The following NCOR2 variants were observed in gnomAD, a reference collection of about 807,000 sequenced individuals.
NCOR2 encodes nuclear receptor corepressor 2.
NCOR2 carries 81 observed loss-of-function variants against 262.9 expected under a neutral mutation model. The observed-to-expected ratio is 0.31, with a 90% CI of 0.26 to 0.37. The LOEUF (loss-of-function observed/expected upper bound fraction) is 0.37, where lower values mean the gene tolerates loss of function less well. Among genes scored for constraint, NCOR2 ranks in the 10% least tolerant of loss-of-function variants. The pLI, the probability that NCOR2 is intolerant of heterozygous loss-of-function variation, is 1.00. For synonymous variants in NCOR2, 1,659 were observed against 1,559.3 expected, an observed-to-expected ratio of 1.06 and a Z score of -1.51; for missense variants, 3,385 against 3,621.4, an observed-to-expected ratio of 0.93 and a Z score of 1.68.
rs577293101 is a variant in NCOR2, at chr12:124,457,546, G to A, written c.706-384C>T. On this transcript the variant is annotated intron_variant, in intron 5 of 46. Coordinates refer to ENST00000405201, the Ensembl canonical transcript of NCOR2. This position sits in a 1 kb window ranked among gnomAD's most constrained non-coding sequence, Gnocchi z 4.0. ...CTTCCCTCACCCTGGAAGCTGGTTG[G>A]GTTGTCTACAATTACCTCAGAGCTA... is the stretch of plus-strand genomic sequence containing the variant. 7.9e-4 allele frequency among the ~76,000 whole-genome samples: 121 copies of A among 152,340 alleles called. No individual in the cohort carries two copies. Among genetic ancestry groups the A allele is most frequent in the Admixed American group, 1.4e-3 (22 of 15,312 alleles).
At chr12:124,414,855 G>A (rs956597891) in intron 13 of NCOR2, among the ~76,000 whole-genome samples, 1 of 152,362 alleles carries the variant, frequency 6.6e-6, no homozygotes, top group Admixed American at 6.5e-5. Context: ...ACCTATGAGG[G>A]AGAGAGAAGC....
chr12:124,338,975 ACCACCCACCCAT>A (rs2036149899), intron 37 of NCOR2, among the ~76,000 whole-genome samples: 1 of 118,088 alleles, frequency 8.5e-6, no homozygotes, highest in South Asian at 2.7e-4. Flanking sequence ...CCCTAACCCT[ACCACCCACCCAT>A]CCACCCACCC....
At chr12:124,344,979 C>A in intron 31 of NCOR2, 28 bp from the exon 34 acceptor site, 1 of 1,498,964 alleles carries the variant, frequency 6.7e-7, no homozygotes. Context: ...TAAGCTCTAG[C>A]CCTGGCCACA....
At position 124,428,086 on chromosome 12, in the gene NCOR2, T is replaced by TGTGTGTGTGTGTGTGTGTGCGCGC. The variant is rs958627720; in HGVS notation, c.1150-1287_1150-1286insGCGCGCACACACACACACACACAC. ...GTGTGTGTGTGTGTGTGTGTGTGTG[T>TGTGTGTGTGTGTGTGTGTGCGCGC]GTACATGCAACAATCAGCCCAGGTG... On this transcript the variant is annotated intron_variant, in intron 10 of 46. Transcript: ENST00000405201. 1.3e-4 allele frequency among the ~76,000 whole-genome samples: 19 copies of TGTGTGTGTGTGTGTGTGTGCGCGC among 147,166 alleles called. 1 individual carries two copies. The highest frequency in any genetic ancestry group is 2.1e-4 in the South Asian group (1 of 4,708).
chr12:124,354,703 G>T, intron 25 of NCOR2, 121 bp from the exon 28 acceptor site: 1 of 1,298,632 alleles, frequency 7.7e-7, no homozygotes, highest in Non-Finnish European at 1.0e-6. Flanking sequence ...GTTCCAGCCA[G>T]GGCTGCTGAG....
intron 3 of NCOR2, among the ~76,000 whole-genome samples, chr12:124,475,707 G>A (rs1476824118): frequency 1.3e-5 from 2 of 152,218 alleles, no homozygotes; most frequent in Non-Finnish European, 2.9e-5. Flanking sequence ...CTTAATCCAC[G>A]TAACCGTCAT....
rs2136099527 is a variant in NCOR2 at position 124,383,461 on chromosome 12, C to G, written c.2019+2284G>C. On this transcript the variant is annotated intron_variant, in intron 17 of 46. Transcript: ENST00000405201. ...ACCACACTCAACAGGGTGCCTTAAG[C>G]ATGGCCCGTGCCACCTTGGCCCAGT... The G allele has an allele frequency of 4.5e-6, 4 of 883,070 alleles. 1 individual carries two copies. Among genetic ancestry groups the G allele is most frequent in the Middle Eastern group, 9.0e-4 (2 of 2,212 alleles). The allele number at this position is 883,070 out of a possible 1,614,324, so 54.7% of individuals were successfully genotyped here. A position where few individuals can be genotyped will look rare whatever the true frequency, so the allele number is the denominator to read the frequency against.
At chr12:124,532,050 G>A (rs2050820730) in intron 1 of NCOR2, among the ~76,000 whole-genome samples, 2 of 152,240 alleles carry the variant, frequency 1.3e-5, no homozygotes, top group African/African-American at 4.8e-5. Flanking sequence ...GCTGCACCCT[G>A]GGGATGCCAC....
At chr12:124,460,043 C>T (rs2046083779) in intron 5 of NCOR2, among the ~76,000 whole-genome samples, 1 of 152,224 alleles carries the variant, frequency 6.6e-6, no homozygotes, top group Admixed American at 6.5e-5. Flanking sequence ...CTTCCCTGAC[C>T]CCCCGCAGCA....
At chr12:124,396,638 C>T (rs1200916634) in intron 16 of NCOR2, among the ~76,000 whole-genome samples, 2 of 152,094 alleles carry the variant, frequency 1.3e-5, no homozygotes, top group Non-Finnish European at 2.9e-5. Flanking sequence ...CTGAATGGTG[C>T]GAGGGTCTCT....
chr12:124,360,455 C>A (rs1026227569), intron 22 of NCOR2, among the ~76,000 whole-genome samples: 2 of 152,246 alleles, frequency 1.3e-5, no homozygotes, highest in Non-Finnish European at 2.9e-5. Context: ...TGTGACCTCC[C>A]GCTGCTGCCC....
chr12:124,335,864 G>C (rs1034332599), intron 38 of NCOR2: 16 of 550,706 alleles, frequency 2.9e-5, no homozygotes, highest in African/African-American at 5.6e-5. Context: ...GACAGACAGA[G>C]AGGGAGACAC....
At chr12:124,429,388 G>A (rs1340381181) in intron 10 of NCOR2, 4 of 561,152 alleles carry the variant, frequency 7.1e-6, no homozygotes, top group Non-Finnish European at 6.4e-6. Flanking sequence ...TCCCTGCAGG[G>A]GGTCCTGCTA....
At chr12:124,334,096 T>G (rs1357739880) in intron 41 of NCOR2, among the ~76,000 whole-genome samples, 1 of 152,136 alleles carries the variant, frequency 6.6e-6, no homozygotes, top group African/African-American at 2.4e-5. Flanking sequence ...ACTGTGCCCC[T>G]GTGGGCAAGT....
intron 32 of NCOR2, 34 bp from the exon 35 acceptor site, chr12:124,343,260 T>C (rs1333428552): frequency 6.3e-7 from 1 of 1,584,124 alleles, no homozygotes; most frequent in South Asian, 1.1e-5. Flanking sequence ...ATCGGGCCTC[T>C]GGGGCTGGCA....
chr12:124,516,488 T>C (rs897721739), intron 1 of NCOR2, among the ~76,000 whole-genome samples: 1 of 152,108 alleles, frequency 6.6e-6, no homozygotes, highest in East Asian at 1.9e-4. Flanking sequence ...GAGAGCTCTC[T>C]GCAAAGAAGA....
In NCOR2 at chr12:124,363,421, G is replaced by C. The variant is rs376087334; in HGVS notation, c.2928+258C>G. ...CTCCCCATGACCCAGTATCTAATCTGGGGGTTCAAGGGTGCTGCGGGGTGG... is the reference window on the plus strand; with the variant it reads ...CTCCCCATGACCCAGTATCTAATCTCGGGGTTCAAGGGTGCTGCGGGGTGG... On this transcript the variant is annotated intron_variant, in intron 21 of 46. Coordinates refer to ENST00000405201, the Ensembl canonical transcript of NCOR2. Among the ~76,000 whole-genome samples the C allele has an allele frequency of 4.7e-4, 72 of 152,346 alleles. 3 individuals are homozygous for C. The East Asian group carries it at 0.01, about 21-fold the overall frequency.
At chr12:124,343,625 T>C (rs2036646704) in intron 32 of NCOR2, among the ~76,000 whole-genome samples, 1 of 31,522 alleles carries the variant, frequency 3.2e-5, no homozygotes, top group Admixed American at 5.9e-4. Context: ...AAATTTTCTT[T>C]CATTTTTTTT....
At chr12:124,538,749 T>C (rs1312449652), upstream of NCOR2, 3 of 152,684 alleles carry the variant, frequency 2.0e-5, no homozygotes, top group Middle Eastern at 3.4e-3. Context: ...GAGAGCATCA[T>C]GCATTAGAGA....
Sources: gnomAD v4.1 joint callset for allele counts (sites outside exome capture counted in the v4.1 genomes callset) on GRCh38, gnomAD v4.1.1 for gene constraint, Gnocchi (gnomAD v3.1) non-coding constraint, MANE v1.5 for transcripts, NCBI Gene and HGNC (gene_info 2026-07-23, HGNC 2026-07-21) for gene names.